Variants in SLC6A7 observed in about 807,000 individuals in gnomAD.
SLC6A7 encodes sodium-dependent proline transporter.
Under a neutral mutation model 73.1 loss-of-function variants are expected in SLC6A7, and 58 were observed. The ratio of observed to expected loss-of-function variants is 0.79; its 90% CI spans 0.64 to 0.99. SLC6A7 has a LOEUF of 0.99. Among genes scored for constraint, SLC6A7 ranks in the 50% least tolerant of loss-of-function variants. The pLI is 0.00. For missense variants in SLC6A7, 783 were observed against 831.4 expected (o/e 0.94, Z 0.72); for synonymous variants, 338 against 338.7 (o/e 1.00, Z 0.02).
chr5:150,204,769 C>G, intron 11 of SLC6A7, 58 bp from the exon 12 acceptor site: 2 of 1,392,236 alleles, frequency 1.4e-6, no homozygotes, highest in Non-Finnish European at 2.0e-6. Context: ...AGAGGAGGGG[C>G]TGCTGGCGTT....
chr5:150,204,489 C>A (rs756978851), intron 10 of SLC6A7, 43 bp from the exon 11 acceptor site: 18 of 1,454,848 alleles, frequency 1.2e-5, no homozygotes, highest in Non-Finnish European at 1.4e-5. Context: ...TAGCAGAGAA[C>A]GAGGCCCAGG....
At chr5:150,195,963 G>A (rs1449695635) in intron 2 of SLC6A7, among the ~76,000 whole-genome samples, 1 of 152,152 alleles carries the variant, frequency 6.6e-6, no homozygotes, top group African/African-American at 2.4e-5. Flanking sequence ...GGGGGGAGGT[G>A]GCCACAGACA....
chr5:150,191,262 C>T (rs968789597), intron 1 of SLC6A7, among the ~76,000 whole-genome samples: 1 of 152,136 alleles, frequency 6.6e-6, no homozygotes. Flanking sequence ...GGGAAGAATG[C>T]TAAAGGGCTG....
At chr5:150,193,111 A>G (rs1032946669) in intron 1 of SLC6A7, among the ~76,000 whole-genome samples, 2 of 152,210 alleles carry the variant, frequency 1.3e-5, no homozygotes, top group Non-Finnish European at 2.9e-5. Flanking sequence ...CTTGCAGCCT[A>G]GTTACTTTAA....
rs202098136 is a variant in SLC6A7 at position 150,199,224 on chromosome 5, A to G, written c.585-4A>G. On this transcript the variant is annotated splice_region_variant and splice_polypyrimidine_tract_variant and intron_variant, in intron 4 of 13. Transcript: ENST00000230671. ...GGGGACACTGAGACCTTTGTCTCCC[A>G]CAGCCGCTACGTCCTCCACATCCAA... 1.3e-6 allele frequency: 2 copies of G among 1,589,592 alleles called. No homozygotes were observed. Among genetic ancestry groups the G allele is most frequent in the Non-Finnish European group, 1.7e-6 (2 of 1,165,474 alleles).
intron 12 of SLC6A7, 36 bp downstream of exon 12, chr5:150,204,963 C>G (rs766924155): frequency 8.3e-6 from 11 of 1,329,350 alleles, no homozygotes; most frequent in African/African-American, 5.7e-5. Context: ...CTGGCTGGGG[C>G]CCCAGAATTG....
intron 8 of SLC6A7, 103 bp from the exon 9 acceptor site, chr5:150,203,564 A>AACAAATG (rs2113983522): frequency 3.0e-6 from 2 of 663,322 alleles, no homozygotes; most frequent in East Asian, 2.7e-5. Flanking sequence ...GGTTAGGCTA[A>AACAAATG]ACAAATGGCC....
intron 13 of SLC6A7, among the ~76,000 whole-genome samples, chr5:150,208,257 A>T (rs1490971166): frequency 6.6e-6 from 1 of 152,166 alleles, no homozygotes; most frequent in African/African-American, 2.4e-5. Context: ...TGGTCAGAGA[A>T]GACCTCTCTG....
intron 8 of SLC6A7, among the ~76,000 whole-genome samples, chr5:150,202,906 G>A (rs1163077927): frequency 6.6e-6 from 1 of 152,092 alleles, no homozygotes; most frequent in Non-Finnish European, 1.5e-5. Context: ...GAGTCCCAGT[G>A]TCTACTAAAA....
chr5:150,199,871 T>G (rs1173036176), intron 5 of SLC6A7, among the ~76,000 whole-genome samples: 2 of 152,130 alleles, frequency 1.3e-5, no homozygotes, highest in Non-Finnish European at 1.5e-5. Context: ...TCATTCTTCG[T>G]GAGGTCACCC....
intron 1 of SLC6A7, 94 bp downstream of exon 1, chr5:150,190,454 C>A: frequency 1.2e-6 from 1 of 816,684 alleles, no homozygotes; most frequent in Non-Finnish European, 1.8e-6. Context: ...TCTGAGGATG[C>A]ACCCAGACCA....
chr5:150,199,078 T>A, intron 4 of SLC6A7, 150 bp from the exon 5 acceptor site: 1 of 1,055,182 alleles, frequency 9.5e-7, no homozygotes, highest in Admixed American at 2.8e-5. Context: ...GCCTCCTGGG[T>A]CAGAGTTGGT....
intron 4 of SLC6A7, among the ~76,000 whole-genome samples, chr5:150,198,138 A>AAAGAAAGAAAGAAAGC (rs1753174970): frequency 6.7e-6 from 1 of 149,844 alleles, no homozygotes; most frequent in Non-Finnish European, 1.5e-5. Context: ...AGAAAGAAAG[A>AAAGAAAGAAAGAAAGC]AAGCAAAGCC....
rs371287028 is a variant in SLC6A7, at chr5:150,199,386, G to A, written c.723+20G>A. The A allele has an allele frequency of 1.5e-4, 232 of 1,587,808 alleles. No individual in the cohort carries two copies. The Middle Eastern group carries it at 1.8e-3, about 13-fold the overall frequency. On this transcript the variant is annotated intron_variant, in intron 5 of 13. Transcript: ENST00000230671. ...GGCAAGGTGAAGCCTGGGAGGCCCC[G>A]GAGGCCTGAGGGGCTGGATGGGGTG...
At chr5:150,197,641 A>T (rs1231239491) in intron 4 of SLC6A7, among the ~76,000 whole-genome samples, 1 of 152,212 alleles carries the variant, frequency 6.6e-6, no homozygotes, top group East Asian at 1.9e-4. Flanking sequence ...AGTAATAGTA[A>T]CATTATGGAG....
In SLC6A7 at chr5:150,210,377, G is replaced by T; in HGVS notation, c.*762G>T. 6.5e-6 allele frequency: 1 copy of T among 153,390 alleles called. No individual in the cohort carries two copies. 9.5% of individuals were successfully genotyped at this position (153,390 alleles called of 1,614,324 possible). ...AAGACAGAAGGAAAACTAACAGAGGGGGAGCCAGGGATGATGGGGTGGGCA... is the reference window on the plus strand; with the variant it reads ...AAGACAGAAGGAAAACTAACAGAGGTGGAGCCAGGGATGATGGGGTGGGCA... On this transcript the variant is annotated 3_prime_UTR_variant, in exon 14 of 14. Transcript: ENST00000230671.
intron 4 of SLC6A7, among the ~76,000 whole-genome samples, chr5:150,198,634 G>C (rs1753198608): frequency 6.6e-6 from 1 of 152,200 alleles, no homozygotes; most frequent in Non-Finnish European, 1.5e-5. Flanking sequence ...GGAGTTTAGT[G>C]AAGGGACTTT....
intron 8 of SLC6A7, 135 bp from the exon 9 acceptor site, chr5:150,203,532 T>A: frequency 1.6e-6 from 1 of 608,450 alleles, no homozygotes; most frequent in Non-Finnish European, 3.0e-6. Flanking sequence ...TATCAGAGGG[T>A]GCATTTAAGT....
Position 150,202,669 on chromosome 5 carries a change from G to A in SLC6A7, c.1053G>A (p.Glu351=). The change falls in exon 8 of 14, where the codon GAG becomes GAA. Residue 351 remains glutamate, a synonymous_variant. Coordinates refer to ENST00000230671, the MANE Select transcript of SLC6A7 (RefSeq NM_014228.5). ...CCGTGCTGGGCTACATGTCTCAGGAGCTGGGCGTGCCTGTGGACCAAGTAG... is the reference window on the plus strand; with the variant it reads ...CCGTGCTGGGCTACATGTCTCAGGAACTGGGCGTGCCTGTGGACCAAGTAG... ...IFSVLGYMSQ[E]LGVPVDQVAK... The A allele has an allele frequency of 6.2e-7, 1 of 1,614,214 alleles. No individual in the cohort carries two copies. The highest frequency in any genetic ancestry group is 1.1e-5 in the South Asian group (1 of 91,082).
Sources: allele counts gnomAD v4.1 joint callset (sites outside exome capture counted in the v4.1 genomes callset), GRCh38; gene constraint gnomAD v4.1.1; transcripts MANE v1.5; gene names NCBI Gene and HGNC (gene_info 2026-07-23, HGNC 2026-07-21).